The following FYB2 variants were observed in gnomAD, a reference collection of about 807,000 sequenced individuals.
FYB2 encodes the protein FYN binding protein 2, also known as FYN-binding protein 2.
FYB2 carries 103 observed loss-of-function variants against 94.1 expected under a neutral mutation model. The observed-to-expected ratio is 1.09, with a 90% CI of 0.93 to 1.29. FYB2 has a LOEUF of 1.29. Among genes scored for constraint, FYB2 ranks in the 50% most tolerant of loss-of-function variants. The pLI is 0.00. For missense variants in FYB2, 896 were observed against 841.5 expected (o/e 1.06, Z -0.80); for synonymous variants, 293 against 287.9 (o/e 1.02, Z -0.18).
intron 15 of FYB2, among the ~76,000 whole-genome samples, chr1:56,736,553 A>G (rs1294945203): frequency 6.6e-6 from 1 of 151,130 alleles, no homozygotes; most frequent in Non-Finnish European, 1.5e-5. Flanking sequence ...AGCCTCCTGA[A>G]TAGCTGGGAC....
chr1:56,727,690 C>T (rs895146856), intron 15 of FYB2, among the ~76,000 whole-genome samples: 1 of 151,976 alleles, frequency 6.6e-6, no homozygotes, highest in Non-Finnish European at 1.5e-5. Flanking sequence ...GAACAGTCAC[C>T]TTGAGGGAAA....
chr1:56,770,888 A>G (rs1275986303), intron 4 of FYB2, among the ~76,000 whole-genome samples: 1 of 152,200 alleles, frequency 6.6e-6, no homozygotes, highest in Non-Finnish European at 1.5e-5. Flanking sequence ...TCCTAACCTC[A>G]TAGTGAACAG....
chr1:56,775,731 T>G (rs1226409570), intron 4 of FYB2, among the ~76,000 whole-genome samples: 1 of 152,100 alleles, frequency 6.6e-6, no homozygotes, highest in East Asian at 1.9e-4. Flanking sequence ...ATGGCATGAA[T>G]AGATCACACC....
At position 56,758,701 on chromosome 1, in the gene FYB2, A is replaced by G; in HGVS notation, c.1098+15T>C. On this transcript the variant is annotated intron_variant, in intron 6 of 19. Transcript: ENST00000343433. ...TTTTACTTTTAGTTACAATGTTGGT[A>G]AGGAGAAACAATACCTTTTGGAGTT... 2 of 1,576,354 alleles carry G rather than the reference A, an allele frequency of 1.3e-6. No homozygotes were observed. Among genetic ancestry groups the G allele is most frequent in the Non-Finnish European group, 1.7e-6 (2 of 1,155,658 alleles).
At chr1:56,723,224 C>T (rs12407569) in intron 17 of FYB2, among the ~76,000 whole-genome samples, 16,686 of 149,542 alleles carry the variant, frequency 0.11, 1,030 homozygotes, top group African/African-American at 0.18. Context: ...CACACACACA[C>T]GCACACACAC....
chr1:56,787,011 T>C (rs944017643), intron 4 of FYB2, among the ~76,000 whole-genome samples, 164 bp downstream of exon 4: 22 of 152,148 alleles, frequency 1.4e-4, no homozygotes, highest in Admixed American at 1.3e-3. Flanking sequence ...ATTTAATCTT[T>C]TCTTTACAAC....
chr1:56,801,269 A>T (rs145658098), intron 1 of FYB2, among the ~76,000 whole-genome samples: 43 of 152,270 alleles, frequency 2.8e-4, no homozygotes, highest in African/African-American at 1.0e-3. Context: ...GAAGTGGAGT[A>T]AAGTGTTTTC....
At chr1:56,762,253 C>A (rs1578677) in intron 5 of FYB2, among the ~76,000 whole-genome samples, 26,426 of 152,076 alleles carry the variant, frequency 0.17, 2,832 homozygotes, top group East Asian at 0.42. Context: ...TCTGTATCTG[C>A]AGAAGATCCT....
intron 4 of FYB2, among the ~76,000 whole-genome samples, chr1:56,779,633 C>A (rs1402049702): frequency 1.3e-5 from 2 of 152,134 alleles, no homozygotes; most frequent in African/African-American, 2.4e-5. Context: ...AAGATGATAT[C>A]ATTCTTTCCA....
intron 9 of FYB2, among the ~76,000 whole-genome samples, chr1:56,746,972 T>C (rs933422090): frequency 2.0e-5 from 3 of 152,026 alleles, no homozygotes; most frequent in Non-Finnish European, 2.9e-5. Context: ...TAGTCTTTTT[T>C]ATTGTAGCCA....
rs971207190 is a variant in FYB2, at chr1:56,808,562, C to T, written c.9+10720G>A. 1.1e-4 allele frequency among the ~76,000 whole-genome samples: 16 copies of T among 152,164 alleles called. 1 individual carries two copies. The highest frequency in any genetic ancestry group is 1.5e-4 in the Non-Finnish European group (10 of 68,020). The stretch of plus-strand genomic sequence containing the variant: ...ACACACCAATACCTGACAAAGACTC[C>T]TGGCACCAGCTCCCAATTTCCTTCA... On this transcript the variant is annotated intron_variant, in intron 1 of 19. Transcript: ENST00000343433.
intron 1 of FYB2, among the ~76,000 whole-genome samples, chr1:56,808,460 A>T (rs887282568): frequency 7.9e-5 from 12 of 152,112 alleles, no homozygotes; most frequent in Non-Finnish European, 1.3e-4. Flanking sequence ...CACTCAGTAA[A>T]CCTCAGGATC....
At chr1:56,763,313 A>T (rs1645544019) in intron 5 of FYB2, among the ~76,000 whole-genome samples, 1 of 152,174 alleles carries the variant, frequency 6.6e-6, no homozygotes, top group Admixed American at 6.5e-5. Context: ...TTTTTGGGAA[A>T]GATTGTATAA....
At position 56,767,964 on chromosome 1, in the gene FYB2, T is replaced by C. The variant is rs777650863; in HGVS notation, c.954-26A>G. On this transcript the variant is annotated intron_variant, in intron 4 of 19. Transcript: ENST00000343433. ...CTGGAGAAAAAAGGGTTACTTAAAA[T>C]GTAACATTTTTAAAAACATATTTTG... 22 of 1,477,804 alleles carry C rather than the reference T, an allele frequency of 1.5e-5. No homozygotes were observed. The Admixed American group carries it at 3.6e-4, about 24-fold the overall frequency. The allele number at this position is 1,477,804 out of a possible 1,614,324, so 91.5% of individuals were successfully genotyped here. A position where few individuals can be genotyped will look rare whatever the true frequency, so the allele number is the denominator to read the frequency against.
At chr1:56,760,651 T>C (rs1413338565) in intron 5 of FYB2, among the ~76,000 whole-genome samples, 2 of 152,168 alleles carry the variant, frequency 1.3e-5, no homozygotes, top group South Asian at 2.1e-4. Flanking sequence ...AAACAAATCA[T>C]GAGCTCATTT....
chr1:56,760,905 T>C (rs1219100869), intron 5 of FYB2, among the ~76,000 whole-genome samples: 1 of 152,182 alleles, frequency 6.6e-6, no homozygotes, highest in African/African-American at 2.4e-5. Context: ...ATATAGAGGA[T>C]AAAGGGCTAC....
chr1:56,749,358 C>T (rs533529110), intron 9 of FYB2, among the ~76,000 whole-genome samples: 1 of 151,862 alleles, frequency 6.6e-6, no homozygotes, highest in East Asian at 1.9e-4. Flanking sequence ...CTTTACCTTC[C>T]ATGACTTTTA....
Position 56,723,602 on chromosome 1 carries a change from T to C in FYB2, c.1960A>G (p.Arg654Gly), listed in dbSNP as rs1557579099. ...AGAGAACGTACCTTAAACCTTTCTCTAAATAGTTTTTCTTCTCTTTTCATT... is the reference window on the plus strand; with the variant it reads ...AGAGAACGTACCTTAAACCTTTCTCCAAATAGTTTTTCTTCTCTTTTCATT... ...NRMKREEKLFRERFKYDKEII... is the reference protein window; with the variant it reads ...NRMKREEKLFGERFKYDKEII... Residue 654 changes from arginine to glycine, a missense_variant, in exon 17 of 20, where the codon AGA becomes GGA. Physicochemically the swap from Arg to Gly is moderately radical, Grantham distance 125. Coordinates refer to ENST00000343433, the MANE Select transcript of FYB2 (RefSeq NM_001004303.5). 6.5e-7 allele frequency: 1 copy of C among 1,547,506 alleles called. No individual in the cohort carries two copies.
chr1:56,769,021 AATT>A (rs1645691595), intron 4 of FYB2, among the ~76,000 whole-genome samples: 1 of 152,008 alleles, frequency 6.6e-6, no homozygotes, highest in Non-Finnish European at 1.5e-5. Context: ...GGAATTGGTG[AATT>A]ATTATCATTA....
Sources: allele counts gnomAD v4.1 joint callset (sites outside exome capture counted in the v4.1 genomes callset), GRCh38; gene constraint gnomAD v4.1.1; transcripts MANE v1.5; gene names NCBI Gene and HGNC (gene_info 2026-07-23, HGNC 2026-07-21).